Variants in BRAP observed in about 807,000 individuals in gnomAD.
BRAP encodes the protein BRCA1 associated protein.
A neutral mutation model predicts 73.4 loss-of-function variants in BRAP; 42 were observed. The observed-to-expected ratio is 0.57, with a 90% CI of 0.45 to 0.74. BRAP has a LOEUF of 0.74. Ranked by LOEUF, BRAP falls within the 30% of genes least tolerant of loss-of-function variation. The pLI, the probability that BRAP is intolerant of heterozygous loss-of-function variation, is 0.00. For synonymous variants in BRAP, 255 were observed against 267.4 expected (o/e 0.95, Z 0.45); for missense variants, 593 against 751.4 (o/e 0.79, Z 2.46).
At chr12:111,682,847 G>A (rs1439894623) in intron 2 of BRAP, among the ~76,000 whole-genome samples, 1 of 152,102 alleles carries the variant, frequency 6.6e-6, no homozygotes, top group Non-Finnish European at 1.5e-5. Flanking sequence ...AGGAGGCTGA[G>A]GTTGTAATGA....
chr12:111,655,236 C>T (rs1357575928), intron 10 of BRAP, among the ~76,000 whole-genome samples: 5 of 151,490 alleles, frequency 3.3e-5, no homozygotes, highest in African/African-American at 1.2e-4. Context: ...CCAAAGGCAG[C>T]GGTTCCCAAG....
intron 11 of BRAP, among the ~76,000 whole-genome samples, chr12:111,645,857 G>A (rs1470378079): frequency 1.3e-5 from 2 of 152,072 alleles, no homozygotes; most frequent in Non-Finnish European, 2.9e-5. Flanking sequence ...AGGTGCAGTG[G>A]CGTGCACCTG....
intron 1 of BRAP, 67 bp from the exon 2 acceptor site, chr12:111,683,374 A>G: frequency 1.3e-6 from 2 of 1,495,204 alleles, no homozygotes; most frequent in Non-Finnish European, 9.0e-7. Flanking sequence ...CTATTCCTCT[A>G]TCATTAGGTT....
At chr12:111,647,525 T>C (rs1038801309) in intron 11 of BRAP, among the ~76,000 whole-genome samples, 2 of 152,164 alleles carry the variant, frequency 1.3e-5, no homozygotes, top group Non-Finnish European at 2.9e-5. Context: ...TAACACTAGA[T>C]AGCAGGATCT....
chr12:111,668,082 C>T (rs140102960), intron 5 of BRAP, among the ~76,000 whole-genome samples: 2,649 of 152,218 alleles, frequency 0.017, 99 homozygotes, highest in African/African-American at 0.061. Context: ...TGGTGCATAC[C>T]TGTAATCCCA....
At chr12:111,674,995 A>C (rs1415861224) in intron 4 of BRAP, among the ~76,000 whole-genome samples, 4 of 152,198 alleles carry the variant, frequency 2.6e-5, no homozygotes, top group African/African-American at 9.6e-5. Context: ...ACAGGAAAGG[A>C]TAAGGCATGT....
intron 6 of BRAP, among the ~76,000 whole-genome samples, chr12:111,662,163 A>G (rs1886780590): frequency 6.6e-6 from 1 of 152,214 alleles, no homozygotes; most frequent in Non-Finnish European, 1.5e-5. Context: ...ACTAAATACT[A>G]GTCATGAGTA....
intron 6 of BRAP, among the ~76,000 whole-genome samples, chr12:111,661,708 A>G (rs1410602498): frequency 1.3e-5 from 2 of 150,052 alleles, no homozygotes; most frequent in Non-Finnish European, 3.0e-5. Flanking sequence ...TAGTAAAAAA[A>G]AAAGGTTTTT....
chr12:111,681,969 A>G, intron 2 of BRAP, 134 bp from the exon 3 acceptor site: 1 of 817,924 alleles, frequency 1.2e-6, no homozygotes, highest in South Asian at 2.2e-5. Flanking sequence ...AACAGCTATT[A>G]TTTGTAGAAT....
rs762572673 is a variant in BRAP, at chr12:111,644,213, T to C, written c.1765A>G (p.Lys589Glu). 5.6e-6 allele frequency: 9 copies of C among 1,611,176 alleles called. No homozygotes were observed. Among genetic ancestry groups the C allele is most frequent in the Non-Finnish European group, 7.6e-6 (9 of 1,179,694 alleles). ...GKLPSRKGRSKRGK is the reference protein window; with the variant it reads ...GKLPSRKGRSERGK The stretch of plus-strand genomic sequence containing the variant: ...TGCTCTGAAGGTCACTTGCCCCTCT[T>C]GCTGCGGCCCTTCCTGGAGGGCAAC... The change falls in exon 12 of 12, where the codon AAG (lysine) becomes GAG (glutamate). Residue 589 changes from lysine (K) to glutamate (E), a missense_variant. Physicochemically the swap from Lys to Glu is moderately conservative, Grantham distance 56. This residue lies in a region of BRAP where 79 missense variants were observed against 65.3 expected (regional missense o/e 1.21). Transcript: ENST00000419234.
At chr12:111,658,142 T>G (rs1389584795) in intron 9 of BRAP, among the ~76,000 whole-genome samples, 2 of 151,278 alleles carry the variant, frequency 1.3e-5, no homozygotes, top group Non-Finnish European at 2.9e-5. Flanking sequence ...GTTGGCCAGG[T>G]TGGTCTTGAA....
At chr12:111,651,246 A>G (rs570655714) in intron 10 of BRAP, among the ~76,000 whole-genome samples, 1 of 151,234 alleles carries the variant, frequency 6.6e-6, no homozygotes, top group Non-Finnish European at 1.5e-5. Context: ...AATAATAATA[A>G]TAATAATAAT....
At chr12:111,654,336 G>A (rs1215766727) in intron 10 of BRAP, among the ~76,000 whole-genome samples, 1 of 146,940 alleles carries the variant, frequency 6.8e-6, no homozygotes, top group Non-Finnish European at 1.5e-5. Context: ...TTTTTTTTGA[G>A]ACAGAGTCTC....
chr12:111,683,397 C>A (rs935129273), intron 1 of BRAP, 90 bp from the exon 2 acceptor site: 1 of 1,417,804 alleles, frequency 7.1e-7, no homozygotes, highest in African/African-American at 1.4e-5. Context: ...CCTTTTCTTT[C>A]TCCTGCCTTC....
intron 10 of BRAP, among the ~76,000 whole-genome samples, chr12:111,653,018 G>C (rs780268674): frequency 6.6e-6 from 1 of 151,976 alleles, no homozygotes; most frequent in Non-Finnish European, 1.5e-5. Context: ...CCAACCCCCC[G>C]ATCTGAATAA....
intron 11 of BRAP, among the ~76,000 whole-genome samples, chr12:111,645,305 G>A (rs1327954601): frequency 1.3e-5 from 2 of 152,090 alleles, no homozygotes; most frequent in East Asian, 3.9e-4. Flanking sequence ...CTGACCTTGT[G>A]ATCCACCCAC....
intron 4 of BRAP, among the ~76,000 whole-genome samples, chr12:111,675,221 A>C (rs942385926): frequency 6.6e-6 from 1 of 151,936 alleles, no homozygotes; most frequent in Non-Finnish European, 1.5e-5. Flanking sequence ...AGATCGTGCC[A>C]CTGCAGTCCA....
intron 5 of BRAP, among the ~76,000 whole-genome samples, chr12:111,672,429 G>A (rs1413050280): frequency 6.6e-6 from 1 of 151,786 alleles, no homozygotes; most frequent in Non-Finnish European, 1.5e-5. Flanking sequence ...TATTCACAAG[G>A]TTGTGCAACT....
chr12:111,681,160 G>A (rs1887585101), intron 3 of BRAP, among the ~76,000 whole-genome samples: 1 of 151,922 alleles, frequency 6.6e-6, no homozygotes, highest in African/African-American at 2.4e-5. Flanking sequence ...ACCTGAGGTC[G>A]GAGTTCAAGA....
Sources: allele counts gnomAD v4.1 joint callset (sites outside exome capture counted in the v4.1 genomes callset), GRCh38; gene constraint gnomAD v4.1.1; regional missense constraint gnomAD v4.1.1; transcripts MANE v1.5; gene names NCBI Gene and HGNC (gene_info 2026-07-23, HGNC 2026-07-21).